Variants in COL3A1 observed in about 807,000 individuals in gnomAD.
COL3A1 encodes the protein collagen type III alpha 1 chain, also known as collagen alpha-1(III) chain.
Under a neutral mutation model 200.9 loss-of-function variants are expected in COL3A1, and 46 were observed. The ratio of observed to expected loss-of-function variants is 0.23; its 90% CI spans 0.18 to 0.29. The LOEUF (loss-of-function observed/expected upper bound fraction) is 0.29. COL3A1 is among the 10% of genes least tolerant of loss of function. COL3A1 has a pLI of 1.00. For synonymous variants in COL3A1, 650 were observed against 628.0 expected (o/e 1.03, Z -0.52); for missense variants, 1,367 against 1,917.6 (o/e 0.71, Z 5.36).
intron 10 of COL3A1, among the ~76,000 whole-genome samples, chr2:188,990,596 T>G (rs1688167318): frequency 6.6e-6 from 1 of 152,188 alleles, no homozygotes; most frequent in African/African-American, 2.4e-5. Context: ...TTACTACCAC[T>G]ATCAGAAAAA....
chr2:189,004,985 G>T (rs1402454215), intron 40 of COL3A1, among the ~76,000 whole-genome samples: 1 of 152,106 alleles, frequency 6.6e-6, no homozygotes, highest in African/African-American at 2.4e-5. Flanking sequence ...ATATTCTTCA[G>T]ATAGAGACAA....
chr2:188,989,619 C>T (rs930845858), intron 8 of COL3A1, among the ~76,000 whole-genome samples, 170 bp downstream of exon 8: 4 of 151,966 alleles, frequency 2.6e-5, no homozygotes, highest in East Asian at 3.9e-4. Flanking sequence ...ACAGTATTTG[C>T]GTTTCTATAT....
At chr2:188,997,046 TATATATATGAGACATATATATATGAGAC>T (rs1414380083) in intron 24 of COL3A1, 91 bp from the exon 25 acceptor site, 23 of 697,268 alleles carry the variant, frequency 3.3e-5, no homozygotes, top group Non-Finnish European at 5.4e-5. Flanking sequence ...ATATGAGACA[TATATATATGAGACATATATATATGAGAC>T]ATATATATAT....
At chr2:188,997,650 C>G in intron 26 of COL3A1, 50 bp from the exon 27 acceptor site, 1 of 1,562,254 alleles carries the variant, frequency 6.4e-7, no homozygotes, top group Non-Finnish European at 8.8e-7. Flanking sequence ...ATACTGTAGA[C>G]TAAATATAAA....
chr2:188,977,530 G>T (rs1687848040), intron 1 of COL3A1, among the ~76,000 whole-genome samples: 1 of 152,012 alleles, frequency 6.6e-6, no homozygotes, highest in Non-Finnish European at 1.5e-5. Context: ...AACAGGAAAA[G>T]GTTACATACA....
intron 15 of COL3A1, 55 bp downstream of exon 15, chr2:188,992,995 G>C (rs1688220385): frequency 6.6e-7 from 1 of 1,516,148 alleles, no homozygotes; most frequent in Non-Finnish European, 9.2e-7. Context: ...CAAGAGAAAA[G>C]CATTAGATTG....
intron 1 of COL3A1, among the ~76,000 whole-genome samples, chr2:188,979,873 G>A (rs13425379): frequency 0.077 from 11,632 of 151,644 alleles, 1,350 homozygotes; most frequent in African/African-American, 0.25. Flanking sequence ...CACCCTGACT[G>A]TGTAACCTTG....
intron 3 of COL3A1, 108 bp downstream of exon 3, chr2:188,985,355 A>G: frequency 1.1e-6 from 1 of 871,364 alleles, no homozygotes. Context: ...TCATTACCAC[A>G]TATTTGAATA....
At chr2:188,984,094 A>T (rs1688013438) in intron 1 of COL3A1, among the ~76,000 whole-genome samples, 1 of 152,026 alleles carries the variant, frequency 6.6e-6, no homozygotes, top group Admixed American at 6.6e-5. Flanking sequence ...TGTTTATTTT[A>T]AAAACATCTT....
At chr2:188,996,571 G>T (rs1204823835) in intron 24 of COL3A1, 75 bp downstream of exon 24, 3 of 1,243,768 alleles carry the variant, frequency 2.4e-6, no homozygotes, top group African/African-American at 1.5e-5. Flanking sequence ...GTAAAGAAAT[G>T]GTCAAAACTC....
At position 188,996,113 on chromosome 2, in the gene COL3A1, TC is replaced by T; in HGVS notation, c.1609-11del. 6.2e-7 allele frequency: 1 copy of T among 1,612,992 alleles called. No homozygotes were observed. Among genetic ancestry groups the T allele is most frequent in the Non-Finnish European group, 8.5e-7 (1 of 1,179,248 alleles). The stretch of plus-strand genomic sequence containing the variant: ...ATTTTAAATCACCTAACAACTGACT[TC>T]TTTACTTCAGGGCATGCCCGGAAGT... On this transcript the variant is annotated splice_polypyrimidine_tract_variant and intron_variant, in intron 22 of 50. Coordinates refer to ENST00000304636, the MANE Select transcript of COL3A1 (RefSeq NM_000090.4).
intron 6 of COL3A1, 48 bp from the exon 7 acceptor site, chr2:188,988,542 T>C (rs761886651): frequency 2.4e-6 from 3 of 1,257,666 alleles, no homozygotes; most frequent in South Asian, 1.2e-5. Context: ...AAATGAATTA[T>C]ATGAAGATTT....
intron 15 of COL3A1, 54 bp downstream of exon 15, chr2:188,992,994 A>T (rs1688220336): frequency 2.0e-6 from 3 of 1,533,284 alleles, no homozygotes; most frequent in Non-Finnish European, 2.7e-6. Context: ...GCAAGAGAAA[A>T]GCATTAGATT....
intron 35 of COL3A1, among the ~76,000 whole-genome samples, chr2:189,002,703 T>G (rs1282998573): frequency 2.6e-5 from 4 of 152,214 alleles, no homozygotes; most frequent in Non-Finnish European, 5.9e-5. Flanking sequence ...TTTTCAAATG[T>G]TTAATCCTTA....
intron 29 of COL3A1, among the ~76,000 whole-genome samples, 170 bp downstream of exon 29, chr2:188,998,888 G>T (rs1380269948): frequency 2.0e-5 from 3 of 152,150 alleles, no homozygotes; most frequent in African/African-American, 7.2e-5. Flanking sequence ...CATTAAATTT[G>T]CTTTAATCTG....
chr2:189,005,212 C>G lies in COL3A1; in HGVS notation c.2932-138C>G, dbSNP rs1688559098. The G allele has an allele frequency of 3.4e-5, 27 of 799,720 alleles. No individual in the cohort carries two copies. In the South Asian group the frequency reaches 4.3e-4, roughly 13 times the overall value. The allele number at this position is 799,720 out of a possible 1,614,324, so 49.5% of individuals were successfully genotyped here. A position where few individuals can be genotyped will look rare whatever the true frequency, so the allele number is the denominator to read the frequency against. On this transcript the variant is annotated intron_variant, in intron 40 of 50. Coordinates refer to ENST00000304636, the MANE Select transcript of COL3A1 (RefSeq NM_000090.4). ...TGCTCCCCCATATTTTTTCCCATAGCAGGCATAGTTTTAATTTTAAAATTC... is the reference window on the plus strand; with the variant it reads ...TGCTCCCCCATATTTTTTCCCATAGGAGGCATAGTTTTAATTTTAAAATTC...
intron 1 of COL3A1, 151 bp from the exon 2 acceptor site, chr2:188,984,609 A>G: frequency 5.8e-6 from 4 of 693,686 alleles, no homozygotes; most frequent in Non-Finnish European, 1.0e-5. Flanking sequence ...AGCAAATTAC[A>G]TAGGGCAAGT....
intron 48 of COL3A1, 119 bp downstream of exon 48, chr2:189,009,340 A>C: frequency 8.0e-7 from 1 of 1,245,364 alleles, no homozygotes; most frequent in South Asian, 1.3e-5. Flanking sequence ...ACTTTAAGAA[A>C]GTTAACTGAA....
intron 15 of COL3A1, 80 bp downstream of exon 15, chr2:188,993,020 T>A: frequency 7.6e-7 from 1 of 1,320,062 alleles, no homozygotes; most frequent in East Asian, 2.3e-5. Context: ...TTGCAACTGA[T>A]TTTTTTAATC....
Sources: allele counts gnomAD v4.1 joint callset (sites outside exome capture counted in the v4.1 genomes callset), GRCh38; gene constraint gnomAD v4.1.1; transcripts MANE v1.5; gene names NCBI Gene and HGNC (gene_info 2026-07-23, HGNC 2026-07-21).